CRB1: variants seen among roughly 807,000 people sequenced by gnomAD.
CRB1 encodes crumbs cell polarity complex component 1.
In CRB1, 83 loss-of-function variants were observed where a neutral mutation model predicts 120.0. The observed-to-expected ratio is 0.69, with a 90% CI of 0.58 to 0.83. CRB1 has a LOEUF of 0.83. Ranked by LOEUF, CRB1 falls within the 40% of genes least tolerant of loss-of-function variation. The probability of loss-of-function intolerance (pLI) is 0.00; values close to 1 mark genes in which losing one functional copy is unlikely to be tolerated. For missense variants in CRB1, 1,699 were observed against 1,687.6 expected, an observed-to-expected ratio of 1.01 and a Z score of -0.12; for synonymous variants, 625 against 612.5, an observed-to-expected ratio of 1.02 and a Z score of -0.30.
chr1:197,223,773 T>C, the CRB1 span, among the ~76,000 whole-genome samples: 2 of 152,164 alleles, frequency 1.3e-5, no homozygotes. Context: ...ATACAGTCAC[T>C]TAGTTTTGGA....
chr1:197,399,905 T>C (rs922886352), intron 5 of CRB1, among the ~76,000 whole-genome samples: 11 of 152,144 alleles, frequency 7.2e-5, no homozygotes, highest in African/African-American at 2.2e-4. Context: ...TCTGGCAAGG[T>C]GGAAGTCAAG....
intron 1 of CRB1, among the ~76,000 whole-genome samples, chr1:197,273,734 C>T (rs1027913851): frequency 6.6e-6 from 1 of 151,994 alleles, no homozygotes; most frequent in South Asian, 2.1e-4. Context: ...TCAGTTGGCT[C>T]CTATTTTCTT....
At position 197,297,457 on chromosome 1, in the gene CRB1, A is replaced by G. The variant is rs658409; in HGVS notation, c.70+28975A>G. On this transcript the variant is annotated intron_variant, in intron 1 of 11. Coordinates refer to ENST00000367400, the MANE Select transcript of CRB1 (RefSeq NM_201253.3). ...AATTGTATGGCCAGTACTTCCATCA[A>G]CTTTCTAGCTGAGGTATGGAGTATG... Among the ~76,000 whole-genome samples the G allele has an allele frequency of 7.2e-4, 110 of 151,972 alleles. 1 individual carries two copies. In the East Asian group the frequency reaches 0.021, roughly 29 times the overall value.
At chr1:197,404,337 G>C (rs1396024207) in intron 5 of CRB1, among the ~76,000 whole-genome samples, 2 of 151,484 alleles carry the variant, frequency 1.3e-5, no homozygotes, top group African/African-American at 2.4e-5. Flanking sequence ...AGCTACTCGG[G>C]AGGCTGAGGC....
At chr1:197,445,031 T>C in intron 11 of CRB1, among the ~76,000 whole-genome samples, 1 of 152,190 alleles carries the variant, frequency 6.6e-6, no homozygotes, top group African/African-American at 2.4e-5. Context: ...AAGTTGCATG[T>C]ACTCTGGCAA....
At chr1:197,347,745 T>C (rs1229332848) in intron 4 of CRB1, among the ~76,000 whole-genome samples, 1 of 152,224 alleles carries the variant, frequency 6.6e-6, no homozygotes, top group Non-Finnish European at 1.5e-5. Context: ...AAATTCAGCA[T>C]GATCTTCATG....
intron 8 of CRB1, among the ~76,000 whole-genome samples, chr1:197,433,804 G>A (rs1033364485): frequency 3.3e-5 from 5 of 152,150 alleles, no homozygotes; most frequent in African/African-American, 7.2e-5. Flanking sequence ...TTTATAACTG[G>A]TAGAGTTGAC....
chr1:197,412,575 A>G (rs1353918458), intron 5 of CRB1, among the ~76,000 whole-genome samples: 1 of 152,182 alleles, frequency 6.6e-6, no homozygotes, highest in African/African-American at 2.4e-5. Context: ...TCCATTGATC[A>G]GAACCCTGAA....
At chr1:197,377,023 G>T (rs1661685350) in intron 5 of CRB1, among the ~76,000 whole-genome samples, 1 of 151,978 alleles carries the variant, frequency 6.6e-6, no homozygotes, top group African/African-American at 2.4e-5. Context: ...ACAGATTTTT[G>T]CATGGTGATT....
chr1:197,254,568 TGAG>T, the CRB1 span, among the ~76,000 whole-genome samples: 2 of 152,052 alleles, frequency 1.3e-5, no homozygotes, highest in African/African-American at 4.8e-5. Flanking sequence ...GATAATTGAA[TGAG>T]GAGAAGCAAA....
At chr1:197,456,037 T>C (rs968194826) in intron 11 of CRB1, among the ~76,000 whole-genome samples, 14 of 152,276 alleles carry the variant, frequency 9.2e-5, no homozygotes, top group Admixed American at 9.2e-4. Context: ...TATTTTAATT[T>C]AGTTTCACAA....
At chr1:197,235,526 A>G in the CRB1 span, among the ~76,000 whole-genome samples, 114 of 152,312 alleles carry the variant, frequency 7.5e-4, no homozygotes, top group Non-Finnish European at 1.4e-3. Flanking sequence ...ACATGGTACC[A>G]TTGTCCATGT....
chr1:197,349,865 C>A (rs1271502125), intron 4 of CRB1, among the ~76,000 whole-genome samples: 1 of 151,974 alleles, frequency 6.6e-6, no homozygotes, highest in Non-Finnish European at 1.5e-5. Flanking sequence ...CTTTGGGAGG[C>A]CGAGGCGGGT....
At chr1:197,354,655 G>C (rs1389828285) in intron 4 of CRB1, among the ~76,000 whole-genome samples, 2 of 152,016 alleles carry the variant, frequency 1.3e-5, no homozygotes, top group Non-Finnish European at 2.9e-5. Flanking sequence ...CCTTCATGGT[G>C]AGTGCTACAG....
intron 2 of CRB1, among the ~76,000 whole-genome samples, chr1:197,334,918 T>C (rs1227088962): frequency 6.6e-6 from 1 of 152,186 alleles, no homozygotes; most frequent in African/African-American, 2.4e-5. Flanking sequence ...AAGTAATAGA[T>C]ATACTGTATA....
At chr1:197,381,245 T>A (rs1661940214) in intron 5 of CRB1, among the ~76,000 whole-genome samples, 1 of 152,202 alleles carries the variant, frequency 6.6e-6, no homozygotes, top group African/African-American at 2.4e-5. Context: ...CATTATGCAT[T>A]GGGAGAATAA....
intron 5 of CRB1, among the ~76,000 whole-genome samples, chr1:197,411,301 T>C (rs1487296573): frequency 6.6e-6 from 1 of 152,148 alleles, no homozygotes; most frequent in Non-Finnish European, 1.5e-5. Context: ...TCACATAAAA[T>C]TTGGAAAGTC....
At chr1:197,436,688 G>T (rs2125503024) in intron 9 of CRB1, among the ~76,000 whole-genome samples, 1 of 152,214 alleles carries the variant, frequency 6.6e-6, no homozygotes, top group Admixed American at 6.5e-5. Flanking sequence ...ACTAGTATTT[G>T]AAGTCATCTT....
At chr1:197,375,038 T>C (rs113136616) in intron 5 of CRB1, among the ~76,000 whole-genome samples, 6 of 152,190 alleles carry the variant, frequency 3.9e-5, no homozygotes, top group African/African-American at 1.4e-4. Flanking sequence ...AGGGAACTCA[T>C]CTTCTACATC....
Sources: allele counts gnomAD v4.1 joint callset (sites outside exome capture counted in the v4.1 genomes callset), GRCh38; gene constraint gnomAD v4.1.1; transcripts MANE v1.5; gene names NCBI Gene and HGNC (gene_info 2026-07-23, HGNC 2026-07-21).